PIGF: variants seen among roughly 807,000 people sequenced by gnomAD.
The protein encoded by PIGF is GPI ethanolamine phosphate transferase, stabilizing subunit.
In PIGF, 23 loss-of-function variants were observed where a neutral mutation model predicts 26.0. The ratio of observed to expected loss-of-function variants is 0.88; its 90% CI spans 0.64 to 1.25. The LOEUF (loss-of-function observed/expected upper bound fraction) is 1.25. Ranked by LOEUF, PIGF falls within the 50% of genes most tolerant of loss-of-function variation. The probability of loss-of-function intolerance (pLI) is 0.00; values close to 1 mark genes in which losing one functional copy is unlikely to be tolerated. For synonymous variants in PIGF, 93 were observed against 92.6 expected (o/e 1.00, Z -0.03); for missense variants, 278 against 249.9 (o/e 1.11, Z -0.76).
chr2:46,613,847 C>T (rs1421818219), intron 2 of PIGF, 62 bp from the exon 3 acceptor site: 2 of 1,366,106 alleles, frequency 1.5e-6, no homozygotes, highest in Non-Finnish European at 2.0e-6. Context: ...TAAATTCTTC[C>T]ATTTCATCTA....
chr2:46,605,432 G>T (rs1054419620), intron 4 of PIGF, among the ~76,000 whole-genome samples: 1 of 152,024 alleles, frequency 6.6e-6, no homozygotes, highest in Non-Finnish European at 1.5e-5. Context: ...CCTAAACTAG[G>T]AAGAAATACT....
chr2:46,595,612 C>T (rs951727290), intron 4 of PIGF, among the ~76,000 whole-genome samples: 1 of 152,138 alleles, frequency 6.6e-6, no homozygotes, highest in African/African-American at 2.4e-5. Context: ...CTTGGGATTA[C>T]ACCTAGGAGT....
At position 46,601,422 on chromosome 2, in the gene PIGF, A is replaced by G. The variant is rs961022894; in HGVS notation, c.438-8839T>C. Reference sequence around the variant, plus strand: ...GTGCCTACTACGTGCCAGACACTGTATCAGACACCTGAGGGTAGTTCATAG... The same window carrying G: ...GTGCCTACTACGTGCCAGACACTGTGTCAGACACCTGAGGGTAGTTCATAG... On this transcript the variant is annotated intron_variant, in intron 4 of 5. Coordinates refer to ENST00000281382, the MANE Select transcript of PIGF (RefSeq NM_002643.4). Among the ~76,000 whole-genome samples, 12 of 152,262 alleles carry G rather than the reference A, an allele frequency of 7.9e-5. 1 individual carries two copies. Among genetic ancestry groups the G allele is most frequent in the Admixed American group, 7.8e-4 (12 of 15,290 alleles).
At chr2:46,604,933 ATT>A (rs1455659028) in intron 4 of PIGF, among the ~76,000 whole-genome samples, 1 of 152,018 alleles carries the variant, frequency 6.6e-6, no homozygotes, top group Non-Finnish European at 1.5e-5. Flanking sequence ...ATTATTATGC[ATT>A]GTGTGTCTGT....
chr2:46,583,801 G>T (rs1179204723), intron 5 of PIGF, among the ~76,000 whole-genome samples: 2 of 152,106 alleles, frequency 1.3e-5, no homozygotes, highest in African/African-American at 4.8e-5. Flanking sequence ...TTACTGACAT[G>T]AATTTTGCTA....
At chr2:46,582,604 A>G (rs1324726224) in intron 5 of PIGF, 4 of 152,558 alleles carry the variant, frequency 2.6e-5, no homozygotes, top group Admixed American at 6.5e-5. Flanking sequence ...CTACATTTAA[A>G]CTTGCTGTTG....
chr2:46,596,451 A>T (rs570625715), intron 4 of PIGF, among the ~76,000 whole-genome samples: 1 of 152,150 alleles, frequency 6.6e-6, no homozygotes, highest in African/African-American at 2.4e-5. Context: ...ACTGAGACCT[A>T]TTTTTAAAAA....
chr2:46,599,158 G>T (rs1479246885), intron 4 of PIGF, among the ~76,000 whole-genome samples: 5 of 152,168 alleles, frequency 3.3e-5, no homozygotes, highest in Admixed American at 6.5e-5. Flanking sequence ...TACCCAACAG[G>T]CTCAGTATCT....
At chr2:46,614,737 T>A in intron 2 of PIGF, 200 bp downstream of exon 2, 2 of 490,878 alleles carry the variant, frequency 4.1e-6, no homozygotes, top group Non-Finnish European at 7.4e-6. Context: ...CATAATTCCA[T>A]AATTAATGCA....
chr2:46,587,360 G>T (rs1669609340), intron 5 of PIGF, among the ~76,000 whole-genome samples: 1 of 151,016 alleles, frequency 6.6e-6, no homozygotes, highest in South Asian at 2.1e-4. Context: ...ACTTATGAAA[G>T]AATTATCTGT....
intron 3 of PIGF, among the ~76,000 whole-genome samples, chr2:46,613,013 G>C (rs1338393846): frequency 1.3e-5 from 2 of 150,916 alleles, no homozygotes; most frequent in Admixed American, 6.7e-5. Context: ...TAACCTGTCA[G>C]TTTAGTGTGT....
At position 46,592,574 on chromosome 2, in the gene PIGF, G is replaced by A; in HGVS notation, c.447C>T (p.Ser149=). Residue 149 remains serine, a synonymous_variant, in exon 5 of 6, where the codon TCC becomes TCT. Coordinates refer to ENST00000281382, the MANE Select transcript of PIGF (RefSeq NM_002643.4). ...LRVFSRNGVT[S]IWENSLQITT... ...TGATCTGGAGACTATTCTCCCATATGGATGTAACTCTGTGAAACACAAATT... is the reference window on the plus strand; with the variant it reads ...TGATCTGGAGACTATTCTCCCATATAGATGTAACTCTGTGAAACACAAATT... 1 of 1,573,928 alleles carries A rather than the reference G, an allele frequency of 6.4e-7. No individual in the cohort carries two copies. The highest frequency in any genetic ancestry group is 1.1e-5 in the South Asian group (1 of 90,280).
At chr2:46,601,712 A>G (rs1227954923) in intron 4 of PIGF, among the ~76,000 whole-genome samples, 1 of 152,054 alleles carries the variant, frequency 6.6e-6, no homozygotes, top group Non-Finnish European at 1.5e-5. Flanking sequence ...GTCACTCACT[A>G]TATTTTCACT....
chr2:46,586,538 T>A (rs1246800597), intron 5 of PIGF, among the ~76,000 whole-genome samples: 1 of 152,124 alleles, frequency 6.6e-6, no homozygotes, highest in African/African-American at 2.4e-5. Context: ...CTACAGACAT[T>A]TAGAACAACT....
chr2:46,601,835 C>T (rs1296548690), intron 4 of PIGF, among the ~76,000 whole-genome samples: 1 of 151,890 alleles, frequency 6.6e-6, no homozygotes, highest in Non-Finnish European at 1.5e-5. Flanking sequence ...GTTTTCACCT[C>T]GGCTAGATCA....
intron 4 of PIGF, among the ~76,000 whole-genome samples, chr2:46,597,403 T>C (rs947631875): frequency 6.6e-6 from 1 of 151,148 alleles, no homozygotes; most frequent in Non-Finnish European, 1.5e-5. Context: ...TCAGAATTTG[T>C]GGGGGGTTTT....
chr2:46,607,166 C>A (rs900137574), intron 4 of PIGF, among the ~76,000 whole-genome samples: 1 of 152,098 alleles, frequency 6.6e-6, no homozygotes, highest in Non-Finnish European at 1.5e-5. Context: ...TAAAAAATAA[C>A]CACCTCCCAG....
intron 5 of PIGF, chr2:46,582,699 T>C (rs1353918703): frequency 6.6e-6 from 1 of 152,642 alleles, no homozygotes; most frequent in Non-Finnish European, 1.5e-5. Context: ...ACTGCACAGA[T>C]TGGGTAATGG....
At chr2:46,598,288 C>G (rs551091611) in intron 4 of PIGF, among the ~76,000 whole-genome samples, 2 of 151,310 alleles carry the variant, frequency 1.3e-5, no homozygotes, top group Non-Finnish European at 2.9e-5. Context: ...CCCTGAGTTT[C>G]TTTTTTGTTG....
Sources: gnomAD v4.1 joint callset for allele counts (sites outside exome capture counted in the v4.1 genomes callset) on GRCh38, gnomAD v4.1.1 for gene constraint, MANE v1.5 for transcripts, NCBI Gene and HGNC (gene_info 2026-07-23, HGNC 2026-07-21) for gene names.